Variants in HS6ST3 observed in about 807,000 individuals in gnomAD.
HS6ST3 encodes heparan-sulfate 6-O-sulfotransferase 3.
A neutral mutation model predicts 36.7 loss-of-function variants in HS6ST3; 12 were observed. The observed-to-expected ratio is 0.33, with a 90% confidence interval of 0.21 to 0.53. HS6ST3 has a LOEUF of 0.53. Among genes scored for constraint, HS6ST3 ranks in the 20% least tolerant of loss-of-function variants. HS6ST3 has a pLI of 0.95. For missense variants in HS6ST3, 584 were observed against 640.9 expected (o/e 0.91, Z 0.96); for synonymous variants, 240 against 257.5 (o/e 0.93, Z 0.65).
At chr13:96,158,852 G>GACTC (rs2054123064) in intron 1 of HS6ST3, among the ~76,000 whole-genome samples, 1 of 151,860 alleles carries the variant, frequency 6.6e-6, no homozygotes, top group Non-Finnish European at 1.5e-5. Flanking sequence ...GGTCACTGGT[G>GACTC]ACATTCCTGA....
chr13:96,696,379 C>T (rs886563767), intron 1 of HS6ST3, among the ~76,000 whole-genome samples: 6 of 152,214 alleles, frequency 3.9e-5, no homozygotes, highest in African/African-American at 1.4e-4. Flanking sequence ...TTCACAGCAA[C>T]TGCTAAATTA....
At chr13:96,290,628 G>C (rs1382523377) in intron 1 of HS6ST3, among the ~76,000 whole-genome samples, 1 of 151,998 alleles carries the variant, frequency 6.6e-6, no homozygotes, top group Non-Finnish European at 1.5e-5. Context: ...CCTTTACATT[G>C]GCCTTCCTAC....
intron 1 of HS6ST3, among the ~76,000 whole-genome samples, chr13:96,739,651 C>T (rs1876383870): frequency 2.0e-5 from 3 of 152,108 alleles, no homozygotes; most frequent in Admixed American, 1.3e-4. Flanking sequence ...CATTTCTCAC[C>T]ATGATTATTC....
At chr13:96,440,369 C>G (rs1482139559) in intron 1 of HS6ST3, among the ~76,000 whole-genome samples, 3 of 151,242 alleles carry the variant, frequency 2.0e-5, no homozygotes, top group Non-Finnish European at 4.4e-5. Flanking sequence ...TCGCTTGAAC[C>G]CAGGAGGAGG....
chr13:96,135,409 A>T (rs1452326015), intron 1 of HS6ST3, among the ~76,000 whole-genome samples: 1 of 152,218 alleles, frequency 6.6e-6, no homozygotes, highest in Non-Finnish European at 1.5e-5. Context: ...CTTTAAAAAT[A>T]GAATGGTGAG....
chr13:96,168,692 C>CAAA (rs60119696), intron 1 of HS6ST3, among the ~76,000 whole-genome samples: 8 of 142,234 alleles, frequency 5.6e-5, no homozygotes, highest in South Asian at 2.3e-4. Flanking sequence ...AGAGTGAGAC[C>CAAA]AAAAAAAAAA....
chr13:96,478,707 A>T (rs559563238), intron 1 of HS6ST3, among the ~76,000 whole-genome samples: 2 of 136,452 alleles, frequency 1.5e-5, no homozygotes, highest in South Asian at 4.4e-4. Context: ...TATGTTCACA[A>T]CTCTAATTTT....
intron 1 of HS6ST3, among the ~76,000 whole-genome samples, chr13:96,801,036 C>T (rs1878054032): frequency 1.3e-5 from 2 of 152,098 alleles, no homozygotes; most frequent in Admixed American, 1.3e-4. Context: ...CCCTAGAAAT[C>T]CGTAGGTTCT....
At chr13:96,629,190 G>A (rs900668158) in intron 1 of HS6ST3, among the ~76,000 whole-genome samples, 1 of 152,076 alleles carries the variant, frequency 6.6e-6, no homozygotes, top group Non-Finnish European at 1.5e-5. Context: ...AAAGACCTTA[G>A]AATGTTTTCA....
intron 1 of HS6ST3, among the ~76,000 whole-genome samples, chr13:96,610,130 C>G (rs755521414): frequency 5.3e-5 from 8 of 152,166 alleles, no homozygotes; most frequent in Admixed American, 2.0e-4. Flanking sequence ...AATCCCAGCT[C>G]TTAAAGTTAA....
chr13:96,555,715 T>G (rs2138951628), intron 1 of HS6ST3, among the ~76,000 whole-genome samples: 1 of 152,280 alleles, frequency 6.6e-6, no homozygotes, highest in South Asian at 2.1e-4. Context: ...TATGAACAAC[T>G]TTTGTTATTA....
At chr13:96,147,733 G>A (rs1224122992) in intron 1 of HS6ST3, among the ~76,000 whole-genome samples, 1 of 152,230 alleles carries the variant, frequency 6.6e-6, no homozygotes, top group Admixed American at 6.5e-5. Flanking sequence ...TGCAGGGAGA[G>A]ACTCTGGCCA....
intron 1 of HS6ST3, among the ~76,000 whole-genome samples, chr13:96,125,977 A>G (rs906812038): frequency 6.6e-6 from 1 of 151,148 alleles, no homozygotes; most frequent in Non-Finnish European, 1.5e-5. Flanking sequence ...TCCCCTTCCT[A>G]TAATTGACTC....
intron 1 of HS6ST3, among the ~76,000 whole-genome samples, chr13:96,663,572 C>G (rs2056653830): frequency 6.6e-6 from 1 of 152,160 alleles, no homozygotes; most frequent in Non-Finnish European, 1.5e-5. Context: ...AATGCTACAT[C>G]TACTTTGGAA....
intron 1 of HS6ST3, among the ~76,000 whole-genome samples, chr13:96,811,212 C>T (rs1409524955): frequency 6.6e-6 from 1 of 152,206 alleles, no homozygotes; most frequent in Admixed American, 6.5e-5. Flanking sequence ...ATATCCACTT[C>T]GCATGTTAGC....
Position 96,594,652 on chromosome 13 carries a change from C to T in HS6ST3, c.708-237838C>T, listed in dbSNP as rs1365348745. On this transcript the variant is annotated intron_variant, in intron 1 of 1. Transcript: ENST00000376705. ...CCCACATTTTGAATTTTTAATGTCACGATTTATATTGTTTTGTATTTTATA... is the reference window on the plus strand; with the variant it reads ...CCCACATTTTGAATTTTTAATGTCATGATTTATATTGTTTTGTATTTTATA... Among the ~76,000 whole-genome samples, 10 of 152,018 alleles carry T rather than the reference C, an allele frequency of 6.6e-5. No homozygotes were observed. The East Asian group carries it at 1.2e-3, about 18-fold the overall frequency.
chr13:96,734,579 GA>G (rs1876236279), intron 1 of HS6ST3, among the ~76,000 whole-genome samples: 1 of 152,170 alleles, frequency 6.6e-6, no homozygotes, highest in Non-Finnish European at 1.5e-5. Context: ...TGCTCCCTCA[GA>G]AATAGATTAA....
intron 1 of HS6ST3, among the ~76,000 whole-genome samples, chr13:96,128,982 A>G (rs555669733): frequency 1.3e-5 from 2 of 151,854 alleles, no homozygotes; most frequent in South Asian, 4.2e-4. Flanking sequence ...AGTAGCTGGG[A>G]TTACAAGTGC....
intron 1 of HS6ST3, among the ~76,000 whole-genome samples, chr13:96,623,503 C>T (rs1336746315): frequency 6.6e-6 from 1 of 151,980 alleles, no homozygotes; most frequent in African/African-American, 2.4e-5. Flanking sequence ...CCCGCAGCTT[C>T]TAGGGGCAGG....
Sources: gnomAD v4.1 joint callset for allele counts (sites outside exome capture counted in the v4.1 genomes callset) on GRCh38, gnomAD v4.1.1 for gene constraint, MANE v1.5 for transcripts, NCBI Gene and HGNC (gene_info 2026-07-23, HGNC 2026-07-21) for gene names.